The following TPR variants were observed in gnomAD, a reference collection of about 807,000 sequenced individuals.
TPR encodes translocated promoter region, nuclear basket protein, also known as nucleoprotein TPR.
Under a neutral mutation model 316.1 loss-of-function variants are expected in TPR, and 51 were observed. The observed-to-expected ratio is 0.16, with a 90% CI of 0.13 to 0.20. TPR has a LOEUF of 0.20. TPR is among the 10% of genes least tolerant of loss of function. TPR has a pLI of 1.00. For synonymous variants in TPR, 981 were observed against 914.7 expected (o/e 1.07, Z -1.31); for missense variants, 2,272 against 2,754.8 (o/e 0.82, Z 3.92).
At chr1:186,336,387 C>T (rs1571613351) in intron 33 of TPR, 109 bp downstream of exon 33, 1 of 1,040,654 alleles carries the variant, frequency 9.6e-7, no homozygotes, top group Admixed American at 1.9e-5. Context: ...CATACACACA[C>T]AAACACCCTT....
At chr1:186,369,245 C>G (rs1659446021) in intron 3 of TPR, among the ~76,000 whole-genome samples, 1 of 152,126 alleles carries the variant, frequency 6.6e-6, no homozygotes, top group Non-Finnish European at 1.5e-5. Flanking sequence ...ATTTTTAAAA[C>G]TGATTCCATC....
intron 27 of TPR, 168 bp downstream of exon 27, chr1:186,343,158 C>A (rs1368764585): frequency 1.3e-6 from 1 of 789,932 alleles, no homozygotes; most frequent in Non-Finnish European, 1.8e-6. Context: ...AGAGCCTTTA[C>A]TTTTAAGCAC....
Position 186,361,791 on chromosome 1 carries a change from T to C in TPR, c.868A>G (p.Lys290Glu). 6.2e-7 allele frequency: 1 copy of C among 1,613,190 alleles called. No individual in the cohort carries two copies. The highest frequency in any genetic ancestry group is 8.5e-7 in the Non-Finnish European group (1 of 1,179,312). The change falls in exon 8 of 51, where the codon AAG (lysine) becomes GAG (glutamate). Residue 290 changes from lysine (K) to glutamate (E), a missense_variant and splice_region_variant. Around this residue, in one of 10 missense-constraint regions of TPR, gnomAD observed 549 missense variants for 598.6 expected, o/e 0.92. Transcript: ENST00000367478. ...NAHIKLSNLY[K>E]SAADDSEAKS... ...AACATGTGTGGTGGGATATTTACCT[T>C]GTACAAATTAGAAAGTTTTATGTGG...
intron 13 of TPR, among the ~76,000 whole-genome samples, chr1:186,357,845 T>C (rs1659073778): frequency 6.6e-6 from 1 of 152,220 alleles, no homozygotes; most frequent in South Asian, 2.1e-4. Context: ...TATTACTTAT[T>C]ACAAAGTAGC....
chr1:186,334,564 A>G (rs955094105), intron 35 of TPR, 31 bp from the exon 36 acceptor site: 7 of 1,580,616 alleles, frequency 4.4e-6, no homozygotes, highest in African/African-American at 4.0e-5. Flanking sequence ...AGAATAATTA[A>G]TAACAAATTA....
At chr1:186,331,335 A>C (rs1220070420) in intron 39 of TPR, among the ~76,000 whole-genome samples, 163 bp downstream of exon 39, 1 of 152,116 alleles carries the variant, frequency 6.6e-6, no homozygotes, top group African/African-American at 2.4e-5. Flanking sequence ...TACTCATAGG[A>C]GTAAAAGAAA....
intron 11 of TPR, 61 bp from the exon 12 acceptor site, chr1:186,360,057 C>G (rs1659137991): frequency 6.5e-7 from 1 of 1,528,294 alleles, no homozygotes. Context: ...TTTAGTTGAT[C>G]TAGTTTCATA....
Position 186,313,708 on chromosome 1 carries a change from G to C in TPR, c.*263C>G. The C allele has an allele frequency of 1.9e-6, 3 of 1,607,760 alleles. No homozygotes were observed. The highest frequency in any genetic ancestry group is 1.1e-5 in the South Asian group (1 of 90,938). ...CAATACTATAACATTGATGTGCCTA[G>C]TAGAACAGCAAGAGCAATTACTACT... is the stretch of plus-strand genomic sequence containing the variant. On this transcript the variant is annotated 3_prime_UTR_variant, in exon 51 of 51. Transcript: ENST00000367478.
rs1338380346 is a variant in TPR at position 186,336,500 on chromosome 1, T to C, written c.4701A>G (p.Leu1567=). 2 of 1,613,634 alleles carry C rather than the reference T, an allele frequency of 1.2e-6. No individual in the cohort carries two copies. The highest frequency in any genetic ancestry group is 3.3e-5 in the Admixed American group (2 of 60,002). The change falls in exon 33 of 51, where the codon TTA becomes TTG. Residue 1567 remains leucine (L), a synonymous_variant. Transcript: ENST00000367478. ...AAACTTTAAACAGATATTTACCAGC[T>C]AAGTGTGCAATTTTTGACTTTGCTG... is the stretch of plus-strand genomic sequence containing the variant. ...IVAAKSKIAH[L]AGVKDQLTKE...
intron 21 of TPR, among the ~76,000 whole-genome samples, chr1:186,349,659 CAA>C (rs71104853): frequency 6.8e-6 from 1 of 146,624 alleles, no homozygotes; most frequent in South Asian, 2.1e-4. Flanking sequence ...GACTCTCTCT[CAA>C]AAAAAAAAAA....
At position 186,339,767 on chromosome 1, in the gene TPR, T is replaced by G; in HGVS notation, c.4026A>C (p.Leu1342=). Residue 1342 remains leucine (L), a synonymous_variant, in exon 30 of 51, where the codon CTA becomes CTC. Transcript: ENST00000367478. ...VKRWKARNQH[L]VSQQKDPDTE... ...TATCTGGATCTTTCTGTTGACTTAC[T>G]AGATGCTAGAATAACAAAAATGCAT... is the stretch of plus-strand genomic sequence containing the variant. 1 of 1,582,816 alleles carries G rather than the reference T, an allele frequency of 6.3e-7. No homozygotes were observed. The highest frequency in any genetic ancestry group is 8.6e-7 in the Non-Finnish European group (1 of 1,168,538).
chr1:186,312,031 C>A lies in TPR; in HGVS notation c.*1940G>T. 1.5e-6 allele frequency: 1 copy of A among 655,316 alleles called. No homozygotes were observed. Among genetic ancestry groups the A allele is most frequent in the Non-Finnish European group, 2.6e-6 (1 of 383,934 alleles). 40.6% of individuals were successfully genotyped at this position (655,316 alleles called of 1,614,324 possible). A position where few individuals can be genotyped will look rare whatever the true frequency, so the allele number is the denominator to read the frequency against. On this transcript the variant is annotated 3_prime_UTR_variant, in exon 51 of 51. Transcript: ENST00000367478. ...ATAATTATTTTTATAATACCCTTGA[C>A]TAATAGCCATTATTAATATCAATAT...
rs946848382 is a variant in TPR, at chr1:186,345,486, T to C, written c.3213+94A>G. 22 of 976,110 alleles carry C rather than the reference T, an allele frequency of 2.3e-5. No individual in the cohort carries two copies. The Admixed American group carries it at 4.9e-4, about 22-fold the overall frequency. The allele number at this position is 976,110 out of a possible 1,614,324, so 60.5% of individuals were successfully genotyped here. On this transcript the variant is annotated intron_variant, in intron 24 of 50. Transcript: ENST00000367478. ...CAAAAGTGGAAATTATCTTGAATTTTTGTAAGGTCCACCAGTTCTTATAAT... is the reference window on the plus strand; with the variant it reads ...CAAAAGTGGAAATTATCTTGAATTTCTGTAAGGTCCACCAGTTCTTATAAT...
chr1:186,359,562 G>C (rs186111725), intron 12 of TPR, among the ~76,000 whole-genome samples: 1 of 151,822 alleles, frequency 6.6e-6, no homozygotes. Flanking sequence ...CATAGTAAAT[G>C]CATTAAAAAA....
intron 27 of TPR, 83 bp from the exon 28 acceptor site, chr1:186,341,472 A>C: frequency 5.1e-6 from 7 of 1,362,894 alleles, no homozygotes; most frequent in Non-Finnish European, 6.9e-6. Context: ...AATCCTCCCT[A>C]TGACAAAATA....
intron 45 of TPR, among the ~76,000 whole-genome samples, chr1:186,320,758 TTG>T (rs1557985236): frequency 1.3e-5 from 2 of 151,510 alleles, no homozygotes; most frequent in Non-Finnish European, 2.9e-5. Flanking sequence ...ACAAAAAGAG[TTG>T]TTAGAATGAA....
At position 186,323,760 on chromosome 1, in the gene TPR, T is replaced by C. The variant is rs759804482; in HGVS notation, c.6223A>G (p.Arg2075Gly). 2.6e-6 allele frequency: 4 copies of C among 1,541,034 alleles called. No individual in the cohort carries two copies. The highest frequency in any genetic ancestry group is 2.6e-6 in the Non-Finnish European group (3 of 1,154,384). ...GGGGGAAGTGGATGTGGTGGGCGTC[T>C]CGGTGACTGAGGTGCTCGAGGGGCC... Reference protein sequence around the residue: ...RQAPRAPQSPRRPPHPLPPRL... With the variant: ...RQAPRAPQSPGRPPHPLPPRL... Residue 2075 changes from arginine to glycine, a missense_variant, in exon 43 of 51, where the codon AGA (arginine) becomes GGA (glycine). By Grantham distance (125) the Arg-to-Gly change is moderately radical. This residue lies in a region of TPR where 435 missense variants were observed against 461.1 expected (regional missense o/e 0.94). Transcript: ENST00000367478.
Position 186,313,123 on chromosome 1 carries a change from G to A in TPR, c.*848C>T. Reference sequence around the variant, plus strand: ...TCATGAGATTACGATAAAACATCCAGTTACTAGAGTAAACTTGCTACTGAC... The same window carrying A: ...TCATGAGATTACGATAAAACATCCAATTACTAGAGTAAACTTGCTACTGAC... On this transcript the variant is annotated 3_prime_UTR_variant, in exon 51 of 51. Transcript: ENST00000367478. 2 of 534,810 alleles carry A rather than the reference G, an allele frequency of 3.7e-6. No homozygotes were observed. Among genetic ancestry groups the A allele is most frequent in the Non-Finnish European group, 6.7e-6 (2 of 297,676 alleles). 33.1% of individuals were successfully genotyped at this position (534,810 alleles called of 1,614,324 possible). A position where few individuals can be genotyped will look rare whatever the true frequency, so the allele number is the denominator to read the frequency against.
chr1:186,357,202 C>G (rs1350580386), intron 14 of TPR, among the ~76,000 whole-genome samples, 195 bp downstream of exon 14: 1 of 152,072 alleles, frequency 6.6e-6, no homozygotes, highest in East Asian at 1.9e-4. Context: ...ACATGTGCCA[C>G]CACACCCAGC....
Sources: gnomAD v4.1 joint callset for allele counts (sites outside exome capture counted in the v4.1 genomes callset) on GRCh38, gnomAD v4.1.1 for gene constraint, gnomAD v4.1.1 regional missense constraint, MANE v1.5 for transcripts, NCBI Gene and HGNC (gene_info 2026-07-23, HGNC 2026-07-21) for gene names.